BICD1: variants seen among roughly 807,000 people sequenced by gnomAD.
BICD1 encodes BICD cargo adaptor 1.
BICD1 carries 35 observed loss-of-function variants against 92.5 expected under a neutral mutation model. The ratio of observed to expected loss-of-function variants is 0.38; its 90% CI spans 0.29 to 0.50. The LOEUF is 0.50. BICD1 is among the 20% of genes least tolerant of loss of function. The probability of loss-of-function intolerance (pLI) is 0.93; values close to 1 mark genes in which losing one functional copy is unlikely to be tolerated. For synonymous variants in BICD1, 429 were observed against 465.1 expected, an observed-to-expected ratio of 0.92 and a Z score of 1.00; for missense variants, 950 against 1,189.8, an observed-to-expected ratio of 0.80 and a Z score of 2.97.
intron 2 of BICD1, among the ~76,000 whole-genome samples, chr12:32,260,638 C>CT (rs35105546): frequency 1.1e-3 from 162 of 145,254 alleles, no homozygotes; most frequent in South Asian, 4.4e-3. Flanking sequence ...TATTCTAGTA[C>CT]TTTTTTTTTT....
At chr12:32,215,825 G>A (rs12317539) in intron 1 of BICD1, among the ~76,000 whole-genome samples, 1,613 of 151,708 alleles carry the variant, frequency 0.011, 35 homozygotes, top group African/African-American at 0.037. Flanking sequence ...GTGTTGGTGG[G>A]CACCTGTAGT....
At chr12:32,363,407 C>T (rs1023945881) in intron 8 of BICD1, among the ~76,000 whole-genome samples, 2 of 152,150 alleles carry the variant, frequency 1.3e-5, no homozygotes, top group Non-Finnish European at 2.9e-5. Flanking sequence ...TAAATAATCT[C>T]TTGAGTATGC....
intron 8 of BICD1, among the ~76,000 whole-genome samples, chr12:32,360,244 T>A (rs1939274758): frequency 6.6e-6 from 1 of 151,712 alleles, no homozygotes; most frequent in Admixed American, 6.6e-5. Flanking sequence ...AAAGCACACG[T>A]CCCTTTTTTT....
At chr12:32,167,447 A>C (rs1046062241) in intron 1 of BICD1, among the ~76,000 whole-genome samples, 1 of 151,928 alleles carries the variant, frequency 6.6e-6, no homozygotes, top group African/African-American at 2.4e-5. Flanking sequence ...GAAGTGGCTG[A>C]GAATCATTCT....
At chr12:32,247,975 C>T (rs1412659503) in intron 2 of BICD1, among the ~76,000 whole-genome samples, 2 of 151,222 alleles carry the variant, frequency 1.3e-5, no homozygotes, top group Non-Finnish European at 2.9e-5. Context: ...CCCAACTATT[C>T]GGGAGGCTGA....
chr12:32,242,180 C>T (rs1026511535), intron 2 of BICD1, among the ~76,000 whole-genome samples: 8 of 128,576 alleles, frequency 6.2e-5, no homozygotes, highest in Non-Finnish European at 1.1e-4. Context: ...TCCATCACTG[C>T]GCTCCAGCCT....
chr12:32,133,641 G>A (rs1418866283), intron 1 of BICD1, among the ~76,000 whole-genome samples: 2 of 152,136 alleles, frequency 1.3e-5, no homozygotes, highest in Non-Finnish European at 2.9e-5. Context: ...CATATTAAGT[G>A]TGGAGCCATA....
At chr12:32,182,882 CTTTCTTTCT>C (rs996650942) in intron 1 of BICD1, among the ~76,000 whole-genome samples, 2 of 127,878 alleles carry the variant, frequency 1.6e-5, no homozygotes, top group African/African-American at 5.8e-5. Flanking sequence ...CTTTTCTTTT[CTTTCTTTCT>C]TTTTTTTTTT....
chr12:32,185,155 A>G (rs904167246), intron 1 of BICD1, among the ~76,000 whole-genome samples: 2 of 152,188 alleles, frequency 1.3e-5, no homozygotes, highest in African/African-American at 4.8e-5. Flanking sequence ...CCTGGGAGGT[A>G]ATTTCACAAG....
At chr12:32,368,155 T>G (rs1939595703) in intron 9 of BICD1, 1 of 168,536 alleles carries the variant, frequency 5.9e-6, no homozygotes. Context: ...TGACCTGATT[T>G]GATTCCTGTA....
At chr12:32,249,379 C>T (rs542382098) in intron 2 of BICD1, among the ~76,000 whole-genome samples, 1 of 152,272 alleles carries the variant, frequency 6.6e-6, no homozygotes, top group African/African-American at 2.4e-5. Flanking sequence ...TACCACTATA[C>T]TGTCATTAAT....
At chr12:32,360,177 C>CAAA (rs200083582) in intron 8 of BICD1, among the ~76,000 whole-genome samples, 1 of 133,760 alleles carries the variant, frequency 7.5e-6, no homozygotes. Context: ...GACTCCATCT[C>CAAA]AAAAAAAAAA....
At chr12:32,263,220 C>T (rs1389750712) in intron 2 of BICD1, among the ~76,000 whole-genome samples, 4 of 151,904 alleles carry the variant, frequency 2.6e-5, no homozygotes, top group Non-Finnish European at 4.4e-5. Flanking sequence ...CATACAGCAC[C>T]AAAGGACTTC....
At chr12:32,315,169 G>A (rs997240328) in intron 4 of BICD1, among the ~76,000 whole-genome samples, 7 of 152,054 alleles carry the variant, frequency 4.6e-5, no homozygotes, top group Admixed American at 2.6e-4. Context: ...TATTTTACAC[G>A]TGGGCATCCA....
At chr12:32,166,738 C>T (rs1430656945) in intron 1 of BICD1, among the ~76,000 whole-genome samples, 1 of 152,180 alleles carries the variant, frequency 6.6e-6, no homozygotes, top group Non-Finnish European at 1.5e-5. Context: ...TCAGTGAGAT[C>T]ATAGCATCAG....
intron 8 of BICD1, among the ~76,000 whole-genome samples, chr12:32,356,242 C>A (rs1311802895): frequency 6.6e-6 from 1 of 152,160 alleles, no homozygotes; most frequent in Non-Finnish European, 1.5e-5. Flanking sequence ...TCTTCAGTGT[C>A]CCTAGCTACT....
chr12:32,248,164 G>A (rs1439493632), intron 2 of BICD1, among the ~76,000 whole-genome samples: 1 of 152,182 alleles, frequency 6.6e-6, no homozygotes, highest in Non-Finnish European at 1.5e-5. Context: ...AGAGAAAAAT[G>A]TCTTTCCAAA....
chr12:32,242,762 T>C (rs903150129), intron 2 of BICD1, among the ~76,000 whole-genome samples: 2 of 152,238 alleles, frequency 1.3e-5, no homozygotes, highest in African/African-American at 4.8e-5. Flanking sequence ...TTAAATCTAC[T>C]GATCGTTTCT....
At chr12:32,116,939 A>T (rs1387561682) in intron 1 of BICD1, among the ~76,000 whole-genome samples, 1 of 151,014 alleles carries the variant, frequency 6.6e-6, no homozygotes, top group Non-Finnish European at 1.5e-5. Context: ...CTTGGTCCAA[A>T]CTCACTTTTC....
Sources: allele counts gnomAD v4.1 joint callset (sites outside exome capture counted in the v4.1 genomes callset), GRCh38; gene constraint gnomAD v4.1.1; transcripts MANE v1.5; gene names NCBI Gene and HGNC (gene_info 2026-07-23, HGNC 2026-07-21).